Variants in ROBO1 observed in about 807,000 individuals in gnomAD.
ROBO1 encodes the protein roundabout homolog 1.
ROBO1 carries 149 observed loss-of-function variants against 195.9 expected under a neutral mutation model. The ratio of observed to expected loss-of-function variants is 0.76; its 90% CI spans 0.67 to 0.87. ROBO1 has a LOEUF of 0.87. Ranked by LOEUF, ROBO1 falls within the 40% of genes least tolerant of loss-of-function variation. The pLI, the probability that ROBO1 is intolerant of heterozygous loss-of-function variation, is 0.00. For synonymous variants in ROBO1, 816 were observed against 733.2 expected, an observed-to-expected ratio of 1.11 and a Z score of -1.82; for missense variants, 1,933 against 2,068.3, an observed-to-expected ratio of 0.93 and a Z score of 1.27.
chr3:78,728,907 C>A (rs375171011), intron 5 of ROBO1, among the ~76,000 whole-genome samples: 4 of 152,350 alleles, frequency 2.6e-5, no homozygotes, highest in African/African-American at 9.6e-5. Context: ...TCCTGGTACA[C>A]TTTACAATAC....
chr3:78,990,268 CTG>C (rs1312195299), intron 3 of ROBO1, among the ~76,000 whole-genome samples: 1 of 152,096 alleles, frequency 6.6e-6, no homozygotes, highest in East Asian at 1.9e-4. Context: ...AATGAATAAA[CTG>C]TTTTTTGGCT....
intron 2 of ROBO1, among the ~76,000 whole-genome samples, chr3:79,540,452 C>T (rs1293537112): frequency 1.3e-5 from 2 of 152,130 alleles, no homozygotes; most frequent in African/African-American, 4.8e-5. Context: ...AACTCTCTGA[C>T]TGTGTAATTA....
chr3:79,426,944 C>G (rs1575810856), intron 2 of ROBO1, among the ~76,000 whole-genome samples: 1 of 152,132 alleles, frequency 6.6e-6, no homozygotes, highest in East Asian at 1.9e-4. Context: ...CTTATATAAT[C>G]CACAAATAAA....
chr3:79,014,576 T>C (rs1189083188), intron 3 of ROBO1, among the ~76,000 whole-genome samples: 3 of 152,230 alleles, frequency 2.0e-5, no homozygotes, highest in Non-Finnish European at 4.4e-5. Context: ...ACTGTATCCC[T>C]GCCTATATCT....
chr3:79,365,706 GCTAACA>G (rs2035947163), intron 2 of ROBO1, among the ~76,000 whole-genome samples: 1 of 151,980 alleles, frequency 6.6e-6, no homozygotes, highest in South Asian at 2.1e-4. Flanking sequence ...GACCATCCTG[GCTAACA>G]CGGTGAAACC....
chr3:79,282,963 A>G (rs1559788738), intron 2 of ROBO1, among the ~76,000 whole-genome samples: 1 of 152,234 alleles, frequency 6.6e-6, no homozygotes, highest in African/African-American at 2.4e-5. Context: ...TTTTTATATT[A>G]TTTCTAAAGG....
intron 29 of ROBO1, among the ~76,000 whole-genome samples, chr3:78,601,583 AT>A (rs1467485610): frequency 2.6e-5 from 4 of 152,202 alleles, no homozygotes; most frequent in Admixed American, 2.6e-4. Context: ...TCAAACTACA[AT>A]ATGATAAAAT....
chr3:79,722,250 G>A (rs918393099), intron 1 of ROBO1, among the ~76,000 whole-genome samples: 4 of 152,046 alleles, frequency 2.6e-5, no homozygotes, highest in East Asian at 1.9e-4. Context: ...AAGTATGTAC[G>A]GGAAAACTGC....
At chr3:79,533,045 A>C in intron 2 of ROBO1, 3 of 421,690 alleles carry the variant, frequency 7.1e-6, no homozygotes, top group South Asian at 5.2e-5. Context: ...TAAACCATTA[A>C]AAAGGGTGGA....
intron 2 of ROBO1, among the ~76,000 whole-genome samples, chr3:79,341,919 T>G (rs1010434272): frequency 6.6e-6 from 1 of 152,084 alleles, no homozygotes; most frequent in Non-Finnish European, 1.5e-5. Context: ...AACACTACAA[T>G]GAGTAAGTGG....
intron 2 of ROBO1, among the ~76,000 whole-genome samples, chr3:79,481,144 T>C (rs1009913942): frequency 6.6e-6 from 1 of 152,116 alleles, no homozygotes; most frequent in African/African-American, 2.4e-5. Flanking sequence ...AATCCATCTA[T>C]AGAAAGAAAT....
chr3:78,945,151 T>C (rs1253628353), intron 3 of ROBO1, among the ~76,000 whole-genome samples: 1 of 152,220 alleles, frequency 6.6e-6, no homozygotes, highest in Non-Finnish European at 1.5e-5. Flanking sequence ...TGTCCCTCTC[T>C]GACAGCTTTG....
intron 1 of ROBO1, among the ~76,000 whole-genome samples, chr3:79,672,505 G>A (rs866623943): frequency 1.3e-5 from 2 of 151,764 alleles, no homozygotes; most frequent in Non-Finnish European, 2.9e-5. Flanking sequence ...TAGGGTATAC[G>A]AATTAATCTG....
intron 3 of ROBO1, among the ~76,000 whole-genome samples, chr3:79,020,163 G>A (rs2078069283): frequency 6.6e-6 from 1 of 152,106 alleles, no homozygotes; most frequent in African/African-American, 2.4e-5. Context: ...ATCTTGACAA[G>A]CCCAGAGTTT....
intron 4 of ROBO1, among the ~76,000 whole-genome samples, chr3:78,793,435 C>T (rs943977405): frequency 6.6e-6 from 1 of 152,136 alleles, no homozygotes; most frequent in East Asian, 1.9e-4. Context: ...TAATTGGAAC[C>T]TTCTGATTAT....
chr3:79,403,340 C>A (rs964560902), intron 2 of ROBO1, among the ~76,000 whole-genome samples: 1 of 151,874 alleles, frequency 6.6e-6, no homozygotes, highest in Non-Finnish European at 1.5e-5. Context: ...AAGTGTTAAA[C>A]AAATTCAAAG....
At chr3:79,676,896 A>G (rs1946800227) in intron 1 of ROBO1, among the ~76,000 whole-genome samples, 1 of 152,086 alleles carries the variant, frequency 6.6e-6, no homozygotes, top group Non-Finnish European at 1.5e-5. Flanking sequence ...TCCAAATCAT[A>G]TCTAAACCTT....
intron 2 of ROBO1, among the ~76,000 whole-genome samples, chr3:79,155,101 C>T (rs1211246417): frequency 6.6e-6 from 1 of 151,630 alleles, no homozygotes; most frequent in Non-Finnish European, 1.5e-5. Context: ...GGCTCACAAA[C>T]AAAGATAGCA....
intron 2 of ROBO1, among the ~76,000 whole-genome samples, chr3:79,492,339 C>T (rs1056120761): frequency 2.0e-5 from 3 of 146,872 alleles, no homozygotes; most frequent in South Asian, 2.3e-4. Flanking sequence ...GCAGGAGAAT[C>T]GCTTGAACCC....
Sources: gnomAD v4.1 joint callset for allele counts (sites outside exome capture counted in the v4.1 genomes callset) on GRCh38, gnomAD v4.1.1 for gene constraint, MANE v1.5 for transcripts, NCBI Gene and HGNC (gene_info 2026-07-23, HGNC 2026-07-21) for gene names.